The following RYR2 variants were observed in gnomAD, a reference collection of about 807,000 sequenced individuals.
The protein encoded by RYR2 is ryanodine receptor 2, also known as cardiac muscle ryanodine receptor-calcium release channel.
In RYR2, 227 loss-of-function variants were observed where a neutral mutation model predicts 601.1. The observed-to-expected ratio is 0.38, with a 90% CI of 0.34 to 0.42. The LOEUF is 0.42. RYR2 is among the 10% of genes least tolerant of loss of function. The pLI is 1.00. For synonymous variants in RYR2, 2,223 were observed against 2,175.1 expected (o/e 1.02, Z -0.61); for missense variants, 4,646 against 6,156.5 (o/e 0.75, Z 8.21).
rs534536083 is a variant in RYR2 at position 237,312,544 on chromosome 1, T to G, written c.169-18334T>G. Among the ~76,000 whole-genome samples the G allele has an allele frequency of 5.3e-4, 80 of 152,342 alleles. 2 individuals are homozygous for G. The South Asian group carries it at 0.016, about 31-fold the overall frequency. On this transcript the variant is annotated intron_variant, in intron 2 of 104. Transcript: ENST00000366574. Reference sequence around the variant, plus strand: ...TTTTTAACAATGAAAAACTACCTGCTTTCTGGTAACCTTACCTTGGAGAGA... The same window carrying G: ...TTTTTAACAATGAAAAACTACCTGCGTTCTGGTAACCTTACCTTGGAGAGA...
intron 29 of RYR2, among the ~76,000 whole-genome samples, chr1:237,573,449 A>G (rs570462119): frequency 6.6e-6 from 1 of 151,296 alleles, no homozygotes; most frequent in East Asian, 2.0e-4. Flanking sequence ...AGAAAATCAC[A>G]AACATCTTTG....
At position 237,293,028 on chromosome 1, in the gene RYR2, C is replaced by A. The variant is rs576859021; in HGVS notation, c.168+22412C>A. ...TCTTCTCCTCTCAGACACCACTCAA[C>A]ACAATAATTCTGATACCAGATATGT... On this transcript the variant is annotated intron_variant, in intron 2 of 104. Coordinates refer to ENST00000366574, the MANE Select transcript of RYR2 (RefSeq NM_001035.3). 8.2e-4 allele frequency among the ~76,000 whole-genome samples: 125 copies of A among 151,690 alleles called. 1 individual carries two copies. Among genetic ancestry groups the A allele is most frequent in the African/African-American group, 2.7e-3 (113 of 41,338 alleles).
intron 1 of RYR2, among the ~76,000 whole-genome samples, chr1:237,085,382 T>G (rs1666201900): frequency 6.6e-6 from 1 of 152,234 alleles, no homozygotes; most frequent in South Asian, 2.1e-4. Flanking sequence ...CTCTTGTCTT[T>G]TGGAGTCCCT....
chr1:237,747,962 A>G (rs1440681932), intron 80 of RYR2, among the ~76,000 whole-genome samples: 2 of 152,158 alleles, frequency 1.3e-5, no homozygotes, highest in Non-Finnish European at 1.5e-5. Flanking sequence ...TCTGAGGGCC[A>G]GTGTTCTCCA....
At chr1:237,304,815 A>C (rs1247938038) in intron 2 of RYR2, among the ~76,000 whole-genome samples, 2 of 152,252 alleles carry the variant, frequency 1.3e-5, no homozygotes, top group Non-Finnish European at 2.9e-5. Flanking sequence ...GTTACTTACC[A>C]AAACATACAA....
intron 1 of RYR2, among the ~76,000 whole-genome samples, chr1:237,092,554 C>T (rs1454500242): frequency 7.0e-6 from 1 of 142,758 alleles, no homozygotes; most frequent in East Asian, 2.1e-4. Flanking sequence ...GACAGAGTCT[C>T]ACTGTCTCTC....
intron 1 of RYR2, among the ~76,000 whole-genome samples, chr1:237,246,482 C>A (rs1686851975): frequency 6.6e-6 from 1 of 152,122 alleles, no homozygotes; most frequent in African/African-American, 2.4e-5. Context: ...CTTCCTTTCC[C>A]TTTCCCATTT....
chr1:237,046,747 G>A (rs951166942), intron 1 of RYR2, among the ~76,000 whole-genome samples: 2 of 152,208 alleles, frequency 1.3e-5, no homozygotes, highest in Non-Finnish European at 2.9e-5. Context: ...CTGGGTGACT[G>A]TGCTTCTTTA....
At chr1:237,069,647 T>A (rs1205637276) in intron 1 of RYR2, among the ~76,000 whole-genome samples, 2 of 152,214 alleles carry the variant, frequency 1.3e-5, no homozygotes, top group African/African-American at 4.8e-5. Context: ...AGTGAAGTAC[T>A]GAATTATTAG....
chr1:237,147,527 T>C (rs1004053749), intron 1 of RYR2, among the ~76,000 whole-genome samples: 4 of 152,234 alleles, frequency 2.6e-5, no homozygotes, highest in African/African-American at 9.6e-5. Context: ...TTTTGTATCT[T>C]CAGTTTGAAT....
At chr1:237,105,136 C>A (rs1292888118) in intron 1 of RYR2, among the ~76,000 whole-genome samples, 1 of 152,154 alleles carries the variant, frequency 6.6e-6, no homozygotes, top group Non-Finnish European at 1.5e-5. Context: ...CTGAGCTAGC[C>A]CAGCTGCTTT....
At chr1:237,152,300 T>C (rs1674803394) in intron 1 of RYR2, among the ~76,000 whole-genome samples, 1 of 152,222 alleles carries the variant, frequency 6.6e-6, no homozygotes, top group Non-Finnish European at 1.5e-5. Flanking sequence ...TTGTGAATAG[T>C]GGTGCAATAA....
chr1:237,792,366 T>TGTGTGTGTGCGCGCGC (rs1553327291), intron 94 of RYR2, 43 bp downstream of exon 94: 3 of 805,192 alleles, frequency 3.7e-6, no homozygotes, highest in African/African-American at 4.7e-5. Flanking sequence ...TGTGTGTGTG[T>TGTGTGTGTGCGCGCGC]GTGTGTGTGT....
chr1:237,796,819 C>G (rs1233348086), intron 96 of RYR2, among the ~76,000 whole-genome samples: 3 of 151,970 alleles, frequency 2.0e-5, no homozygotes, highest in African/African-American at 4.8e-5. Context: ...GAGTCTCACT[C>G]TGTTGCCCAG....
intron 12 of RYR2, among the ~76,000 whole-genome samples, chr1:237,432,687 A>G (rs936538009): frequency 6.6e-6 from 1 of 152,168 alleles, no homozygotes; most frequent in Non-Finnish European, 1.5e-5. Flanking sequence ...AATGCCTGAC[A>G]TCCAAGACTA....
At chr1:237,238,703 G>A (rs1016953351) in intron 1 of RYR2, among the ~76,000 whole-genome samples, 2 of 152,172 alleles carry the variant, frequency 1.3e-5, no homozygotes, top group African/African-American at 4.8e-5. Context: ...CTTTTGATCT[G>A]TGGCTAACCA....
At chr1:237,323,076 C>T (rs1038230738) in intron 2 of RYR2, among the ~76,000 whole-genome samples, 1 of 152,122 alleles carries the variant, frequency 6.6e-6, no homozygotes, top group African/African-American at 2.4e-5. Context: ...GATTTCTCAA[C>T]CTAGAGCTCC....
At chr1:237,127,275 G>A (rs1671544638) in intron 1 of RYR2, among the ~76,000 whole-genome samples, 1 of 152,174 alleles carries the variant, frequency 6.6e-6, no homozygotes, top group African/African-American at 2.4e-5. Context: ...TTGTCATCCT[G>A]GCCCGTTCTC....
intron 3 of RYR2, among the ~76,000 whole-genome samples, chr1:237,348,414 TG>T (rs541996616): frequency 1.8e-4 from 28 of 152,270 alleles, no homozygotes; most frequent in African/African-American, 6.5e-4. Context: ...AATCTTGTGC[TG>T]GGGGGCCAAA....
Sources: gnomAD v4.1 joint callset for allele counts (sites outside exome capture counted in the v4.1 genomes callset) on GRCh38, gnomAD v4.1.1 for gene constraint, MANE v1.5 for transcripts, NCBI Gene and HGNC (gene_info 2026-07-23, HGNC 2026-07-21) for gene names.